The following GMDS variants were observed in gnomAD, a reference collection of about 807,000 sequenced individuals.
The protein encoded by GMDS is GDP-mannose 4,6 dehydratase.
GMDS carries 20 observed loss-of-function variants against 49.9 expected under a neutral mutation model. The observed-to-expected ratio is 0.40, with a 90% CI of 0.28 to 0.58. GMDS has a LOEUF of 0.58. Ranked by LOEUF, GMDS falls within the 20% of genes least tolerant of loss-of-function variation. GMDS has a pLI of 0.42. For missense variants in GMDS, 362 were observed against 481.4 expected, an observed-to-expected ratio of 0.75 and a Z score of 2.32; for synonymous variants, 177 against 178.6, an observed-to-expected ratio of 0.99 and a Z score of 0.07.
intron 6 of GMDS, among the ~76,000 whole-genome samples, chr6:1,942,528 C>G (rs534346615): frequency 6.6e-6 from 1 of 152,170 alleles, no homozygotes; most frequent in Non-Finnish European, 1.5e-5. Flanking sequence ...GAAACCTGAC[C>G]AAGGCCCTAC....
At chr6:2,052,143 A>AAAAAAAAAAAAAAAAAAAAAAAC (rs1770453878) in intron 4 of GMDS, among the ~76,000 whole-genome samples, 6 of 148,920 alleles carry the variant, frequency 4.0e-5, no homozygotes, top group Non-Finnish European at 9.0e-5. Flanking sequence ...AAAAAAAAAA[A>AAAAAAAAAAAAAAAAAAAAAAAC]CAGAAAAGAA....
intron 1 of GMDS, among the ~76,000 whole-genome samples, chr6:2,153,512 G>A (rs1776948911): frequency 6.6e-6 from 1 of 152,114 alleles, no homozygotes; most frequent in Non-Finnish European, 1.5e-5. Flanking sequence ...CAGTCCAGTA[G>A]GGAAAATGGC....
chr6:2,227,131 G>A (rs1408664876), intron 1 of GMDS, among the ~76,000 whole-genome samples: 2 of 151,914 alleles, frequency 1.3e-5, no homozygotes, highest in Non-Finnish European at 2.9e-5. Context: ...TTTTTCAATA[G>A]TGAACATTAT....
At chr6:1,716,268 T>G (rs913711470) in intron 9 of GMDS, among the ~76,000 whole-genome samples, 28 of 152,244 alleles carry the variant, frequency 1.8e-4, no homozygotes, top group Admixed American at 3.3e-4. Context: ...TGGCTCTGCC[T>G]TTTAATCACT....
chr6:1,965,512 C>T (rs561166678), intron 4 of GMDS, among the ~76,000 whole-genome samples: 1 of 152,212 alleles, frequency 6.6e-6, no homozygotes, highest in African/African-American at 2.4e-5. Context: ...TACATTGTGG[C>T]TGATCAATTC....
intron 7 of GMDS, among the ~76,000 whole-genome samples, chr6:1,752,551 C>T (rs940052043): frequency 1.3e-5 from 2 of 152,136 alleles, no homozygotes; most frequent in Non-Finnish European, 2.9e-5. Flanking sequence ...CAAAGATACT[C>T]CTCAAGAAGA....
At position 1,657,943 on chromosome 6, in the gene GMDS, C is replaced by T. The variant is rs549889489; in HGVS notation, c.988-33403G>A. Among the ~76,000 whole-genome samples, 5 of 151,758 alleles carry T rather than the reference C, an allele frequency of 3.3e-5. No individual in the cohort carries two copies. The Middle Eastern group carries it at 0.01, about 314-fold the overall frequency. On this transcript the variant is annotated intron_variant, in intron 9 of 10. Transcript: ENST00000380815. ...CCTTTTTAAAGTGAAGTGAGCTCTGCGCATGGCAGCAAACTGGCTGCCTCT... is the reference window on the plus strand; with the variant it reads ...CCTTTTTAAAGTGAAGTGAGCTCTGTGCATGGCAGCAAACTGGCTGCCTCT...
chr6:2,236,032 A>G lies in GMDS; in HGVS notation c.102+9289T>C, dbSNP rs530780403. On this transcript the variant is annotated intron_variant, in intron 1 of 10. Transcript: ENST00000380815. ...CTGTAGATAGCATTTTAAGATAGCA[A>G]TAGTGTTTCTCTCTGGAGCAGATGG... Among the ~76,000 whole-genome samples, 609 of 152,298 alleles carry G rather than the reference A, an allele frequency of 4.0e-3. 1 individual carries two copies. The highest frequency in any genetic ancestry group is 6.8e-3 in the Non-Finnish European group (462 of 68,024).
chr6:1,638,649 C>T (rs1053854970), intron 9 of GMDS, among the ~76,000 whole-genome samples: 1 of 152,086 alleles, frequency 6.6e-6, no homozygotes, highest in Non-Finnish European at 1.5e-5. Context: ...GACATGGGAA[C>T]TCTGGGGTTT....
At chr6:2,222,407 A>G (rs960708173) in intron 1 of GMDS, among the ~76,000 whole-genome samples, 2 of 152,216 alleles carry the variant, frequency 1.3e-5, no homozygotes, top group African/African-American at 4.8e-5. Context: ...CTCACTGCTT[A>G]TCTCCGACCC....
chr6:1,792,612 C>G (rs1769588112), intron 7 of GMDS, among the ~76,000 whole-genome samples: 1 of 152,102 alleles, frequency 6.6e-6, no homozygotes, highest in East Asian at 1.9e-4. Context: ...CTACCAATAG[C>G]TTTCTCAGAA....
intron 9 of GMDS, among the ~76,000 whole-genome samples, chr6:1,670,952 T>G (rs1764402481): frequency 6.6e-6 from 1 of 152,236 alleles, no homozygotes; most frequent in African/African-American, 2.4e-5. Flanking sequence ...CCCGGACTTT[T>G]GCTCAGAGTT....
chr6:2,087,706 A>C (rs73716936), intron 4 of GMDS, among the ~76,000 whole-genome samples: 4,054 of 152,286 alleles, frequency 0.027, 168 homozygotes, highest in African/African-American at 0.091. Context: ...AATGTTGTTC[A>C]CTTGCTTATG....
intron 7 of GMDS, among the ~76,000 whole-genome samples, chr6:1,858,239 C>T (rs964737024): frequency 3.9e-5 from 6 of 152,108 alleles, no homozygotes; most frequent in African/African-American, 1.2e-4. Context: ...AGTGCTTAGA[C>T]GTTACCCCTC....
intron 4 of GMDS, among the ~76,000 whole-genome samples, chr6:2,004,044 G>C (rs1766998903): frequency 6.6e-6 from 1 of 152,174 alleles, no homozygotes; most frequent in African/African-American, 2.4e-5. Context: ...TTCAGCTTGT[G>C]ACAAGGCTCT....
intron 6 of GMDS, 194 bp downstream of exon 6, chr6:1,959,673 C>A: frequency 2.6e-6 from 1 of 384,812 alleles, no homozygotes; most frequent in Non-Finnish European, 4.6e-6. Context: ...AATTTAAAAT[C>A]CCACAAACTC....
chr6:1,815,194 G>C (rs1312159108), intron 7 of GMDS, among the ~76,000 whole-genome samples: 2 of 149,022 alleles, frequency 1.3e-5, no homozygotes, highest in African/African-American at 2.5e-5. Context: ...TGCATGTATT[G>C]TCTGCAATAA....
intron 8 of GMDS, among the ~76,000 whole-genome samples, chr6:1,738,325 C>A (rs1314627732): frequency 6.6e-6 from 1 of 152,206 alleles, no homozygotes; most frequent in Admixed American, 6.5e-5. Flanking sequence ...GCATGTGGTA[C>A]TGATCTGCTT....
At position 1,948,576 on chromosome 6, in the gene GMDS, G is replaced by A. The variant is rs2761232; in HGVS notation, c.643+11291C>T. Reference sequence around the variant, plus strand: ...GGAGGCAATGGCAGGAGGATCTCTCGAGCCCAGGAGTCCGAGGCTGCAGTG... The same window carrying A: ...GGAGGCAATGGCAGGAGGATCTCTCAAGCCCAGGAGTCCGAGGCTGCAGTG... On this transcript the variant is annotated intron_variant, in intron 6 of 10. Transcript: ENST00000380815. 3.9e-3 allele frequency among the ~76,000 whole-genome samples: 591 copies of A among 152,026 alleles called. 3 individuals are homozygous for A. Among genetic ancestry groups the A allele is most frequent in the African/African-American group, 0.013 (538 of 41,448 alleles).
Sources: gnomAD v4.1 joint callset for allele counts (sites outside exome capture counted in the v4.1 genomes callset) on GRCh38, gnomAD v4.1.1 for gene constraint, MANE v1.5 for transcripts, NCBI Gene and HGNC (gene_info 2026-07-23, HGNC 2026-07-21) for gene names.